MGLL: variants seen among roughly 807,000 people sequenced by gnomAD.
The protein encoded by MGLL is lysophospholipase homolog.
Under a neutral mutation model 29.1 loss-of-function variants are expected in MGLL, and 7 were observed. The observed-to-expected ratio is 0.24, with a 90% CI of 0.14 to 0.45. MGLL has a LOEUF of 0.45. MGLL is among the 20% of genes least tolerant of loss of function. The pLI, the probability that MGLL is intolerant of heterozygous loss-of-function variation, is 0.99. For missense variants in MGLL, 356 were observed against 413.6 expected, an observed-to-expected ratio of 0.86 and a Z score of 1.21; for synonymous variants, 148 against 168.3, an observed-to-expected ratio of 0.88 and a Z score of 0.93.
intron 2 of MGLL, among the ~76,000 whole-genome samples, chr3:127,783,432 C>T (rs2077163269): frequency 6.6e-6 from 1 of 152,160 alleles, no homozygotes; most frequent in Non-Finnish European, 1.5e-5. Flanking sequence ...TTCCTGATGC[C>T]CCCACCTTGA....
chr3:127,694,341 G>GTATGTGTATATA (rs59806111), intron 7 of MGLL, among the ~76,000 whole-genome samples: 2 of 93,470 alleles, frequency 2.1e-5, no homozygotes, highest in Non-Finnish European at 4.5e-5. Context: ...GTATATATAT[G>GTATGTGTATATA]TATGTGTATA....
intron 3 of MGLL, among the ~76,000 whole-genome samples, chr3:127,777,935 T>C (rs1049375054): frequency 1.3e-5 from 2 of 152,206 alleles, no homozygotes; most frequent in Non-Finnish European, 1.5e-5. Context: ...TGGCAAGCCA[T>C]TCAAACCCAT....
chr3:127,757,269 A>G (rs1292875906), intron 3 of MGLL, among the ~76,000 whole-genome samples: 1 of 152,216 alleles, frequency 6.6e-6, no homozygotes, highest in Admixed American at 6.5e-5. Flanking sequence ...ACACAGGAGA[A>G]AGCATGAGTT....
chr3:127,708,850 C>T (rs1165699390), intron 6 of MGLL, among the ~76,000 whole-genome samples: 2 of 152,214 alleles, frequency 1.3e-5, no homozygotes, highest in African/African-American at 2.4e-5. Context: ...AGAGCAATGG[C>T]CATGGCCATG....
At chr3:127,776,759 C>A (rs899851908) in intron 3 of MGLL, among the ~76,000 whole-genome samples, 2 of 152,234 alleles carry the variant, frequency 1.3e-5, no homozygotes, top group African/African-American at 2.4e-5. Flanking sequence ...GGATGTTCTA[C>A]CCTTAATATT....
At chr3:127,798,350 C>T (rs2077420881) in intron 2 of MGLL, among the ~76,000 whole-genome samples, 1 of 152,220 alleles carries the variant, frequency 6.6e-6, no homozygotes, top group Non-Finnish European at 1.5e-5. Context: ...TCTCTCTGAG[C>T]TCCCACCTTC....
At position 127,692,204 on chromosome 3, in the gene MGLL, TG is replaced by T. The variant is rs2075260607; in HGVS notation, c.935del (p.Pro312HisfsTer49). On this transcript the variant is annotated frameshift_variant, in exon 8 of 8. Transcript: ENST00000265052. LOFTEE classifies it high-confidence loss of function. ...CGGGCACCGGCCAATGCATTCAGGG[TG>T]GGGACGCAGTTCCTGCCGTGGCTGT... ...QRTATAGTASPP is the reference protein window; with the variant it reads ...QRTATAGTASXP The T allele has an allele frequency of 6.9e-6, 11 of 1,602,000 alleles. No homozygotes were observed. In the South Asian group the frequency reaches 1.2e-4, roughly 18 times the overall value.
intron 2 of MGLL, among the ~76,000 whole-genome samples, chr3:127,795,961 T>C (rs758586714): frequency 5.8e-4 from 89 of 152,392 alleles, no homozygotes; most frequent in Non-Finnish European, 1.1e-3. Flanking sequence ...TAATTATTTA[T>C]ACATTGTATG....
intron 7 of MGLL, among the ~76,000 whole-genome samples, chr3:127,694,327 ATG>A (rs1194354898): frequency 3.5e-5 from 3 of 86,950 alleles, no homozygotes; most frequent in Non-Finnish European, 6.9e-5. Flanking sequence ...GTATATATAT[ATG>A]TGTATATATA....
intron 5 of MGLL, among the ~76,000 whole-genome samples, chr3:127,720,145 T>C (rs565671630): frequency 1.4e-4 from 22 of 152,326 alleles, no homozygotes; most frequent in African/African-American, 5.1e-4. Context: ...CCACAGTTCA[T>C]AGGGTAAGCC....
intron 3 of MGLL, among the ~76,000 whole-genome samples, chr3:127,724,632 G>A (rs2075996946): frequency 6.6e-6 from 1 of 152,140 alleles, no homozygotes; most frequent in African/African-American, 2.4e-5. Flanking sequence ...TTTGAGGCAT[G>A]ACCCCGCATT....
chr3:127,781,630 C>T (rs1051419938), intron 3 of MGLL, among the ~76,000 whole-genome samples, 159 bp downstream of exon 3: 5 of 152,198 alleles, frequency 3.3e-5, no homozygotes, highest in African/African-American at 4.8e-5. Flanking sequence ...GCTCGTCAGA[C>T]ATTTTTTTTG....
Position 127,691,994 on chromosome 3 carries a change from G to A in MGLL, c.*204C>T. Reference sequence around the variant, plus strand: ...ACCTTTCTCTTTTTTTGCATAAAGTGTCTAACCATTAAGGTAGGTCCAGTG... The same window carrying A: ...ACCTTTCTCTTTTTTTGCATAAAGTATCTAACCATTAAGGTAGGTCCAGTG... On this transcript the variant is annotated 3_prime_UTR_variant, in exon 8 of 8. Transcript: ENST00000265052. 1 of 660,806 alleles carries A rather than the reference G, an allele frequency of 1.5e-6. No homozygotes were observed. The allele number at this position is 660,806 out of a possible 1,614,324, so 40.9% of individuals were successfully genotyped here. A position where few individuals can be genotyped will look rare whatever the true frequency, so the allele number is the denominator to read the frequency against.
chr3:127,714,226 AAAAAGCC>A (rs2075772911), intron 5 of MGLL: 1 of 152,262 alleles, frequency 6.6e-6, no homozygotes, highest in African/African-American at 2.4e-5. Context: ...TTCCAGGTAC[AAAAAGCC>A]AAGGACTGGG....
intron 5 of MGLL, chr3:127,711,095 G>A (rs2075703058): frequency 4.1e-6 from 1 of 244,486 alleles, no homozygotes; most frequent in East Asian, 8.6e-5. Context: ...GTGCGGAAGG[G>A]CCCACAGGAG....
intron 6 of MGLL, among the ~76,000 whole-genome samples, chr3:127,703,219 A>C (rs1375930434): frequency 1.3e-5 from 2 of 152,202 alleles, no homozygotes; most frequent in African/African-American, 4.8e-5. Context: ...CTGAACACAG[A>C]AGTGCTCCTA....
chr3:127,721,883 C>T (rs1576502779), intron 4 of MGLL, among the ~76,000 whole-genome samples: 1 of 152,154 alleles, frequency 6.6e-6, no homozygotes, highest in East Asian at 1.9e-4. Context: ...TAGATTTGGC[C>T]TGTGGGCTGC....
chr3:127,699,022 C>T (rs983750889), intron 6 of MGLL, among the ~76,000 whole-genome samples: 2 of 152,226 alleles, frequency 1.3e-5, no homozygotes, highest in Non-Finnish European at 2.9e-5. Flanking sequence ...CTGGGGAGCC[C>T]CCACTGGCTG....
At chr3:127,786,268 G>A (rs962901588) in intron 2 of MGLL, among the ~76,000 whole-genome samples, 26 of 152,264 alleles carry the variant, frequency 1.7e-4, no homozygotes, top group African/African-American at 6.3e-4. Flanking sequence ...AGGGCCCTGA[G>A]CAGGTGCCAA....
Sources: allele counts gnomAD v4.1 joint callset (sites outside exome capture counted in the v4.1 genomes callset), GRCh38; gene constraint gnomAD v4.1.1; transcripts MANE v1.5; gene names NCBI Gene and HGNC (gene_info 2026-07-23, HGNC 2026-07-21).